The following PID1 variants were observed in gnomAD, a reference collection of about 807,000 sequenced individuals.
The protein encoded by PID1 is phosphotyrosine interaction domain containing 1, also known as PTB-containing, cubilin and LRP1-interacting protein.
In PID1, 10 loss-of-function variants were observed where a neutral mutation model predicts 19.1. The ratio of observed to expected loss-of-function variants is 0.52; its 90% CI spans 0.32 to 0.89. The LOEUF (loss-of-function observed/expected upper bound fraction) is 0.89, where lower values mean the gene tolerates loss of function less well. PID1 is among the 40% of genes least tolerant of loss of function. The probability of loss-of-function intolerance (pLI) is 0.03; values close to 1 mark genes in which losing one functional copy is unlikely to be tolerated. For missense variants in PID1, 248 were observed against 285.3 expected (o/e 0.87, Z 0.94); for synonymous variants, 130 against 116.0 (o/e 1.12, Z -0.78).
intron 1 of PID1, among the ~76,000 whole-genome samples, chr2:229,202,133 A>C (rs528001203): frequency 6.6e-6 from 1 of 152,234 alleles, no homozygotes; most frequent in African/African-American, 2.4e-5. Context: ...CAATTGTCAA[A>C]CATTTCTTAA....
chr2:229,149,137 T>A (rs1178569292), intron 2 of PID1, among the ~76,000 whole-genome samples: 3 of 151,786 alleles, frequency 2.0e-5, no homozygotes, highest in Non-Finnish European at 4.4e-5. Flanking sequence ...CAAAAGAAAG[T>A]CTGTATAATT....
At chr2:229,135,323 G>A (rs754058712) in intron 2 of PID1, among the ~76,000 whole-genome samples, 5 of 152,234 alleles carry the variant, frequency 3.3e-5, no homozygotes, top group East Asian at 1.9e-4. Flanking sequence ...GCATGCATTC[G>A]TGAAATGGCA....
At chr2:229,030,634 T>A (rs1693526951) in intron 2 of PID1, among the ~76,000 whole-genome samples, 1 of 152,140 alleles carries the variant, frequency 6.6e-6, no homozygotes, top group South Asian at 2.1e-4. Flanking sequence ...GAAATATATA[T>A]CATGACATAA....
At chr2:229,043,608 AT>A (rs1366009009) in intron 2 of PID1, among the ~76,000 whole-genome samples, 2 of 152,214 alleles carry the variant, frequency 1.3e-5, no homozygotes, top group Non-Finnish European at 2.9e-5. Context: ...ATCATGATGG[AT>A]TAAGGAAAAG....
chr2:229,254,470 G>A (rs1397340293), intron 1 of PID1, among the ~76,000 whole-genome samples: 6 of 152,134 alleles, frequency 3.9e-5, no homozygotes. Context: ...GGGCCTTCAA[G>A]TTAGAAAAAC....
chr2:229,087,281 C>T (rs1040642927), intron 2 of PID1, among the ~76,000 whole-genome samples: 2 of 152,106 alleles, frequency 1.3e-5, no homozygotes, highest in African/African-American at 4.8e-5. Flanking sequence ...TGGAACTCAG[C>T]ATATTTTTAA....
chr2:229,262,783 T>C (rs918804056), intron 1 of PID1: 1 of 1,551,408 alleles, frequency 6.4e-7, no homozygotes, highest in African/African-American at 1.4e-5. Flanking sequence ...TAACATCAGG[T>C]GGTTGCCAGC....
intron 1 of PID1, among the ~76,000 whole-genome samples, chr2:229,189,809 C>CT (rs1691218091): frequency 1.3e-5 from 2 of 152,216 alleles, no homozygotes; most frequent in South Asian, 4.1e-4. Flanking sequence ...CTGGACTTAG[C>CT]TTACCAGTGT....
chr2:229,093,907 G>A (rs1437089167), intron 2 of PID1, among the ~76,000 whole-genome samples: 1 of 152,134 alleles, frequency 6.6e-6, no homozygotes, highest in Non-Finnish European at 1.5e-5. Flanking sequence ...ACACAAAGAT[G>A]CCCACTTTCA....
intron 1 of PID1, among the ~76,000 whole-genome samples, chr2:229,232,999 T>C (rs186247449): frequency 2.5e-4 from 38 of 152,114 alleles, no homozygotes; most frequent in African/African-American, 9.2e-4. Flanking sequence ...CTAAAACAAG[T>C]GAACAAGTGT....
At chr2:229,172,390 C>T (rs1331379189) in intron 1 of PID1, among the ~76,000 whole-genome samples, 2 of 152,204 alleles carry the variant, frequency 1.3e-5, no homozygotes, top group Admixed American at 1.3e-4. Flanking sequence ...AAGGTTCCAA[C>T]AGTGCCATGC....
At chr2:229,159,667 C>T (rs1338847716) in intron 1 of PID1, among the ~76,000 whole-genome samples, 2 of 152,136 alleles carry the variant, frequency 1.3e-5, no homozygotes, top group African/African-American at 2.4e-5. Flanking sequence ...GGCTGAACCC[C>T]AATTGTTACA....
intron 2 of PID1, among the ~76,000 whole-genome samples, chr2:229,139,038 A>AGCGAGCGAGCGAGCGAGCGAGCGAGC (rs1559251384): frequency 3.5e-5 from 2 of 56,994 alleles, no homozygotes; most frequent in African/African-American, 1.3e-4. Flanking sequence ...AAAGAAAGAA[A>AGCGAGCGAGCGAGCGAGCGAGCGAGC]GAGAAAGAAA....
intron 2 of PID1, among the ~76,000 whole-genome samples, chr2:229,085,901 A>T (rs1694754920): frequency 6.6e-6 from 1 of 152,182 alleles, no homozygotes; most frequent in African/African-American, 2.4e-5. Context: ...CTGAAAAATC[A>T]GTTGAGGGGA....
chr2:229,200,582 T>C, intron 1 of PID1, among the ~76,000 whole-genome samples: 1 of 151,882 alleles, frequency 6.6e-6, no homozygotes, highest in East Asian at 1.9e-4. Context: ...AAAAGGAAAA[T>C]GTCTCTTCCT....
intron 2 of PID1, among the ~76,000 whole-genome samples, chr2:229,116,375 G>A (rs1574641785): frequency 6.6e-6 from 1 of 152,252 alleles, no homozygotes; most frequent in South Asian, 2.1e-4. Flanking sequence ...GATCCTCATG[G>A]CACTTCATCC....
chr2:229,129,413 C>CAA (rs370442954), intron 2 of PID1, among the ~76,000 whole-genome samples: 6,156 of 110,900 alleles, frequency 0.056, 435 homozygotes, highest in African/African-American at 0.17. Context: ...GACTCCATCT[C>CAA]AAAAAAAAAA....
intron 2 of PID1, among the ~76,000 whole-genome samples, chr2:229,092,329 A>G (rs1410320398): frequency 6.6e-6 from 1 of 152,206 alleles, no homozygotes; most frequent in East Asian, 1.9e-4. Flanking sequence ...TTGAGCATAG[A>G]GAGCACTTAT....
chr2:229,266,250 C>A (rs1690589148), intron 1 of PID1, among the ~76,000 whole-genome samples: 3 of 147,974 alleles, frequency 2.0e-5, no homozygotes, highest in Admixed American at 2.0e-4. Context: ...AAATCTCCAA[C>A]CTCCTCCCTC....
Sources: gnomAD v4.1 joint callset for allele counts (sites outside exome capture counted in the v4.1 genomes callset) on GRCh38, gnomAD v4.1.1 for gene constraint, MANE v1.5 for transcripts, NCBI Gene and HGNC (gene_info 2026-07-23, HGNC 2026-07-21) for gene names.